Variants in RIT2 observed in about 807,000 individuals in gnomAD.
RIT2 encodes GTP-binding protein Rit2.
A neutral mutation model predicts 23.7 loss-of-function variants in RIT2; 24 were observed. The ratio of observed to expected loss-of-function variants is 1.01; its 90% CI spans 0.73 to 1.43. The LOEUF (loss-of-function observed/expected upper bound fraction) is 1.43, where lower values mean the gene tolerates loss of function less well. RIT2 is among the 40% of genes most tolerant of loss of function. The pLI is 0.00. For synonymous variants in RIT2, 107 were observed against 91.1 expected (o/e 1.17, Z -0.99); for missense variants, 236 against 266.9 (o/e 0.88, Z 0.81).
At chr18:42,860,079 A>G (rs1341156263) in intron 4 of RIT2, among the ~76,000 whole-genome samples, 1 of 152,182 alleles carries the variant, frequency 6.6e-6, no homozygotes, top group East Asian at 1.9e-4. Context: ...TTTGATGAAT[A>G]TCCTGGGGAC....
At chr18:42,973,989 T>C in intron 3 of RIT2, 85 bp downstream of exon 3, 1 of 833,150 alleles carries the variant, frequency 1.2e-6, no homozygotes, top group South Asian at 1.7e-5. Flanking sequence ...TTGAATAAAG[T>C]CATCTTCTCC....
At chr18:43,104,989 G>A (rs1400444469) in intron 1 of RIT2, among the ~76,000 whole-genome samples, 1 of 152,008 alleles carries the variant, frequency 6.6e-6, no homozygotes, top group East Asian at 1.9e-4. Flanking sequence ...TTTCAGTCTG[G>A]ATTCAAGCAG....
chr18:43,070,682 T>C (rs1044097841), intron 1 of RIT2, among the ~76,000 whole-genome samples: 9 of 152,242 alleles, frequency 5.9e-5, no homozygotes, highest in African/African-American at 1.7e-4. Flanking sequence ...CAGTGTTCAT[T>C]AAGTGCATCA....
chr18:42,747,217 T>C (rs1230194665), intron 4 of RIT2, among the ~76,000 whole-genome samples: 1 of 152,018 alleles, frequency 6.6e-6, no homozygotes, highest in Non-Finnish European at 1.5e-5. Flanking sequence ...ACAAAGTTTA[T>C]ATACACGAAT....
Position 42,771,463 on chromosome 18 carries a change from C to T in RIT2, c.427-27743G>A, listed in dbSNP as rs577001862. On this transcript the variant is annotated intron_variant, in intron 4 of 4. Transcript: ENST00000326695. Reference sequence around the variant, plus strand: ...CATATCTGTAATGAAATCTCATAATCATGAATTCAAATCCTATGGAGCATT... The same window carrying T: ...CATATCTGTAATGAAATCTCATAATTATGAATTCAAATCCTATGGAGCATT... Among the ~76,000 whole-genome samples the T allele has an allele frequency of 3.9e-4, 60 of 152,268 alleles. No homozygotes were observed. In the South Asian group the frequency reaches 0.012, roughly 32 times the overall value.
intron 1 of RIT2, among the ~76,000 whole-genome samples, chr18:43,107,737 T>C (rs948399688): frequency 1.3e-5 from 2 of 152,180 alleles, no homozygotes; most frequent in Admixed American, 6.5e-5. Flanking sequence ...CCATGCTAAA[T>C]TGTTTAGTCA....
intron 4 of RIT2, among the ~76,000 whole-genome samples, chr18:42,785,446 C>T (rs998488102): frequency 4.6e-5 from 6 of 129,198 alleles, no homozygotes; most frequent in Non-Finnish European, 7.6e-5. Flanking sequence ...TTCTTGGCCT[C>T]TCTTTTTTTT....
chr18:43,107,269 T>C (rs1163404781), intron 1 of RIT2, among the ~76,000 whole-genome samples: 4 of 152,140 alleles, frequency 2.6e-5, no homozygotes, highest in Admixed American at 2.6e-4. Flanking sequence ...TTCTAAGCCA[T>C]AGTTCTCATT....
chr18:42,842,339 A>AT lies in RIT2; in HGVS notation c.426+81232dup, dbSNP rs60515347. ...AGCCTCGTATTATCCAATGTCTGTC[A>AT]TTTTTTAACAAAATGTATAAATTAC... On this transcript the variant is annotated intron_variant, in intron 4 of 4. Transcript: ENST00000326695. 5.6e-3 allele frequency among the ~76,000 whole-genome samples: 857 copies of AT among 152,290 alleles called. 8 individuals carry two copies. Among genetic ancestry groups the AT allele is most frequent in the African/African-American group, 0.02 (814 of 41,574 alleles).
intron 1 of RIT2, among the ~76,000 whole-genome samples, chr18:43,096,004 CA>C (rs1913543439): frequency 6.6e-6 from 1 of 151,716 alleles, no homozygotes; most frequent in African/African-American, 2.4e-5. Context: ...TAAAACTTTG[CA>C]AAGGTGTTAA....
At chr18:42,987,079 T>C (rs937452845) in intron 2 of RIT2, among the ~76,000 whole-genome samples, 3 of 152,252 alleles carry the variant, frequency 2.0e-5, no homozygotes, top group Non-Finnish European at 4.4e-5. Context: ...GCTGATTCTA[T>C]GTATAACTTA....
chr18:42,812,242 T>C (rs1328812262), intron 4 of RIT2, among the ~76,000 whole-genome samples: 1 of 152,156 alleles, frequency 6.6e-6, no homozygotes, highest in Non-Finnish European at 1.5e-5. Context: ...TAAAGGCTAG[T>C]GTACATGTCT....
chr18:42,873,417 A>G (rs1322039314), intron 4 of RIT2, among the ~76,000 whole-genome samples: 1 of 152,140 alleles, frequency 6.6e-6, no homozygotes, highest in Non-Finnish European at 1.5e-5. Flanking sequence ...ATAAAAGATT[A>G]TATTTAATAA....
chr18:42,978,618 G>A (rs1340219413), intron 2 of RIT2, among the ~76,000 whole-genome samples: 7 of 152,070 alleles, frequency 4.6e-5, no homozygotes, highest in Non-Finnish European at 7.4e-5. Flanking sequence ...AGGCAGAAAT[G>A]GTAGCAGCTG....
intron 1 of RIT2, among the ~76,000 whole-genome samples, chr18:43,052,887 A>T (rs72910638): frequency 1.3e-5 from 2 of 152,062 alleles, no homozygotes; most frequent in African/African-American, 4.8e-5. Context: ...TAACAGTTCT[A>T]TCTTGCCCAC....
At chr18:42,761,432 G>A (rs1210487449) in intron 4 of RIT2, among the ~76,000 whole-genome samples, 1 of 152,096 alleles carries the variant, frequency 6.6e-6, no homozygotes, top group Admixed American at 6.6e-5. Context: ...CTTTACCAAA[G>A]GTAACTTTCA....
chr18:42,759,880 T>A (rs115738414), intron 4 of RIT2, among the ~76,000 whole-genome samples: 2,631 of 151,934 alleles, frequency 0.017, 78 homozygotes, highest in African/African-American at 0.061. Context: ...TGGGTTCCAA[T>A]GATTCTCCCG....
At chr18:42,918,875 T>C (rs1908982576) in intron 4 of RIT2, among the ~76,000 whole-genome samples, 1 of 152,172 alleles carries the variant, frequency 6.6e-6, no homozygotes, top group East Asian at 1.9e-4. Flanking sequence ...TCACCTTATC[T>C]TTCTTACTTG....
rs149267918 is a variant in RIT2, at chr18:42,907,730, C to T, written c.426+15842G>A. Reference sequence around the variant, plus strand: ...GTATGGTGGCTCATGCCTGAAATTCCAGTGCTTTGGGAGGCCAAGGCAGGA... The same window carrying T: ...GTATGGTGGCTCATGCCTGAAATTCTAGTGCTTTGGGAGGCCAAGGCAGGA... On this transcript the variant is annotated intron_variant, in intron 4 of 4. Transcript: ENST00000326695. Among the ~76,000 whole-genome samples, 310 of 141,030 alleles carry T rather than the reference C, an allele frequency of 2.2e-3. 2 individuals carry two copies. The highest frequency in any genetic ancestry group is 7.1e-3 in the African/African-American group (291 of 41,188). The allele number at this position is 141,030 out of a possible 152,430, so 92.5% of individuals were successfully genotyped here.
Sources: gnomAD v4.1 joint callset for allele counts (sites outside exome capture counted in the v4.1 genomes callset) on GRCh38, gnomAD v4.1.1 for gene constraint, MANE v1.5 for transcripts, NCBI Gene and HGNC (gene_info 2026-07-23, HGNC 2026-07-21) for gene names.